GFRA2: variants seen among roughly 807,000 people sequenced by gnomAD.
The protein encoded by GFRA2 is GDNF family receptor alpha 2.
In GFRA2, 17 loss-of-function variants were observed where a neutral mutation model predicts 48.3. The observed-to-expected ratio is 0.35, with a 90% CI of 0.24 to 0.53. GFRA2 has a LOEUF of 0.53. GFRA2 is among the 20% of genes least tolerant of loss of function. GFRA2 has a pLI of 0.93. For missense variants in GFRA2, 660 were observed against 637.3 expected (o/e 1.04, Z -0.38); for synonymous variants, 305 against 257.2 (o/e 1.19, Z -1.78).
rs925197480 is a variant in GFRA2, at chr8:21,691,827, C to T, written c.*1451G>A. The T allele has an allele frequency of 6.6e-6, 1 of 151,678 alleles. No homozygotes were observed. The highest frequency in any genetic ancestry group is 2.1e-4 in the South Asian group (1 of 4,776). The allele number at this position is 151,678 out of a possible 1,614,324, so 9.4% of individuals were successfully genotyped here. On this transcript the variant is annotated 3_prime_UTR_variant, in exon 9 of 9. Coordinates refer to ENST00000524240, the MANE Select transcript of GFRA2 (RefSeq NM_001495.5). Reference sequence around the variant, plus strand: ...CTCAGATCCCGCCCCCAGTGTCAAACCAGCTCCTAAGAGAGCTCCATCTAC... The same window carrying T: ...CTCAGATCCCGCCCCCAGTGTCAAATCAGCTCCTAAGAGAGCTCCATCTAC...
chr8:21,773,689 A>G (rs1806549510), intron 3 of GFRA2, among the ~76,000 whole-genome samples: 1 of 152,216 alleles, frequency 6.6e-6, no homozygotes, highest in Admixed American at 6.5e-5. Context: ...GGAAAACAAT[A>G]ATGGAAAAAA....
chr8:21,773,224 G>A (rs75446733), intron 3 of GFRA2, among the ~76,000 whole-genome samples: 11,623 of 152,290 alleles, frequency 0.076, 606 homozygotes, highest in East Asian at 0.2. Context: ...CTGCCATGGT[G>A]CCCACAGGCA....
Position 21,780,144 on chromosome 8 carries a change from C to T in GFRA2, c.355+2441G>A, listed in dbSNP as rs534406198. 2.4e-4 allele frequency among the ~76,000 whole-genome samples: 37 copies of T among 152,166 alleles called. No homozygotes were observed. The South Asian group carries it at 7.7e-3, about 32-fold the overall frequency. On this transcript the variant is annotated intron_variant, in intron 2 of 8. Coordinates refer to ENST00000524240, the MANE Select transcript of GFRA2 (RefSeq NM_001495.5). ...ATCTGCATTCATCACTCCCAATCCC[C>T]CTGTTCCTGTCTGCTCCCTAGCCAG...
chr8:21,705,865 G>C, intron 5 of GFRA2, 67 bp downstream of exon 5: 2 of 1,078,628 alleles, frequency 1.9e-6, no homozygotes, highest in Non-Finnish European at 2.7e-6. Flanking sequence ...GCTGGGCTGC[G>C]GCCCCTGCCC....
At chr8:21,732,757 AC>A (rs1232851044) in intron 4 of GFRA2, among the ~76,000 whole-genome samples, 1 of 152,136 alleles carries the variant, frequency 6.6e-6, no homozygotes, top group African/African-American at 2.4e-5. Context: ...AAATGTAAAC[AC>A]CCCCTAGAGT....
chr8:21,730,347 G>A (rs1415330750), intron 4 of GFRA2, among the ~76,000 whole-genome samples: 7 of 152,086 alleles, frequency 4.6e-5, no homozygotes, highest in East Asian at 3.9e-4. Flanking sequence ...AGGATGCAGC[G>A]AGCCGAGATA....
intron 2 of GFRA2, among the ~76,000 whole-genome samples, chr8:21,803,056 CT>C (rs1367192629): frequency 6.6e-6 from 1 of 152,224 alleles, no homozygotes; most frequent in Non-Finnish European, 1.5e-5. Context: ...CAACAAACTA[CT>C]GCAAAGTCTC....
At chr8:21,700,778 C>T (rs760680793) in intron 7 of GFRA2, among the ~76,000 whole-genome samples, 19 of 152,256 alleles carry the variant, frequency 1.2e-4, no homozygotes, top group Non-Finnish European at 1.9e-4. Context: ...GCAAAATAAC[C>T]TTGCCTCTCC....
intron 3 of GFRA2, among the ~76,000 whole-genome samples, chr8:21,763,005 G>A (rs910177049): frequency 6.6e-6 from 1 of 152,100 alleles, no homozygotes; most frequent in Non-Finnish European, 1.5e-5. Context: ...AGGATTTGAA[G>A]CACCCATCAT....
chr8:21,799,122 G>C (rs1486810368), intron 2 of GFRA2, among the ~76,000 whole-genome samples: 6 of 152,074 alleles, frequency 3.9e-5, no homozygotes, highest in African/African-American at 1.4e-4. Flanking sequence ...TTATCTACTT[G>C]TTTGGGAGTC....
chr8:21,798,371 A>G (rs2065107624), intron 2 of GFRA2, among the ~76,000 whole-genome samples: 1 of 152,168 alleles, frequency 6.6e-6, no homozygotes, highest in South Asian at 2.1e-4. Flanking sequence ...AGGAAGCAAG[A>G]GAGGGAGGGA....
chr8:21,749,000 A>T (rs114090412), intron 4 of GFRA2, among the ~76,000 whole-genome samples: 6,880 of 152,162 alleles, frequency 0.045, 339 homozygotes, highest in African/African-American at 0.13. Flanking sequence ...GACACCCAGG[A>T]TATGGCAGAT....
chr8:21,724,125 C>T (rs1398212964), intron 4 of GFRA2, among the ~76,000 whole-genome samples: 1 of 152,142 alleles, frequency 6.6e-6, no homozygotes, highest in Non-Finnish European at 1.5e-5. Context: ...AGGATGACTA[C>T]CTCTGACCCC....
At position 21,692,847 on chromosome 8, in the gene GFRA2, C is replaced by T. The variant is rs1309716681; in HGVS notation, c.*431G>A. On this transcript the variant is annotated 3_prime_UTR_variant, in exon 9 of 9. Transcript: ENST00000524240. ...CCGCTGACCGATGCCCTCTGCCAGC[C>T]CCCAGCGGGTCCCCAGAGTGGGCAG... 1 of 153,342 alleles carries T rather than the reference C, an allele frequency of 6.5e-6. No homozygotes were observed. Among genetic ancestry groups the T allele is most frequent in the Non-Finnish European group, 1.5e-5 (1 of 68,824 alleles). The allele number at this position is 153,342 out of a possible 1,614,324, so 9.5% of individuals were successfully genotyped here.
At chr8:21,706,154 A>T in intron 4 of GFRA2, 113 bp from the exon 5 acceptor site, 1 of 686,714 alleles carries the variant, frequency 1.5e-6, no homozygotes, top group Non-Finnish European at 2.5e-6. Flanking sequence ...GGGTGGAAGA[A>T]GCCAGGAAGA....
rs879248771 is a variant in GFRA2, at chr8:21,693,183, C to T, written c.*95G>A. 1 of 1,182,114 alleles carries T rather than the reference C, an allele frequency of 8.5e-7. No homozygotes were observed. Among genetic ancestry groups the T allele is most frequent in the Non-Finnish European group, 1.1e-6 (1 of 892,792 alleles). The allele number at this position is 1,182,114 out of a possible 1,614,324, so 73.2% of individuals were successfully genotyped here. Reference sequence around the variant, plus strand: ...GGTGGGAAAAACAATTTTTTTTTTGCAAGGTGTGTGTGTGTCTGTGTGTGT... The same window carrying T: ...GGTGGGAAAAACAATTTTTTTTTTGTAAGGTGTGTGTGTGTCTGTGTGTGT... On this transcript the variant is annotated 3_prime_UTR_variant, in exon 9 of 9. Coordinates refer to ENST00000524240, the MANE Select transcript of GFRA2 (RefSeq NM_001495.5).
intron 3 of GFRA2, among the ~76,000 whole-genome samples, chr8:21,759,446 G>C (rs192799579): frequency 9.3e-5 from 8 of 85,846 alleles, no homozygotes; most frequent in Non-Finnish European, 1.6e-4. Flanking sequence ...GGGAGGGAGA[G>C]AGGGAGAGAG....
At chr8:21,811,679 C>T (rs1326976931) in intron 1 of GFRA2, among the ~76,000 whole-genome samples, 2 of 152,112 alleles carry the variant, frequency 1.3e-5, no homozygotes, top group African/African-American at 4.8e-5. Flanking sequence ...GCCTTCCCCA[C>T]AGGCTGTCCT....
At chr8:21,708,116 G>A (rs1802840524) in intron 4 of GFRA2, among the ~76,000 whole-genome samples, 1 of 152,060 alleles carries the variant, frequency 6.6e-6, no homozygotes, top group Admixed American at 6.5e-5. Flanking sequence ...TGTGTTGCAG[G>A]AGGGCCTGGA....
Sources: gnomAD v4.1 joint callset for allele counts (sites outside exome capture counted in the v4.1 genomes callset) on GRCh38, gnomAD v4.1.1 for gene constraint, MANE v1.5 for transcripts, NCBI Gene and HGNC (gene_info 2026-07-23, HGNC 2026-07-21) for gene names.